Variants in NRXN3 observed in about 807,000 individuals in gnomAD.
NRXN3 encodes the protein neurexin III.
A neutral mutation model predicts 137.6 loss-of-function variants in NRXN3; 32 were observed. The ratio of observed to expected loss-of-function variants is 0.23; its 90% CI spans 0.18 to 0.31. The LOEUF is 0.31. Ranked by LOEUF, NRXN3 falls within the 10% of genes least tolerant of loss-of-function variation. The pLI, the probability that NRXN3 is intolerant of heterozygous loss-of-function variation, is 1.00. For missense variants in NRXN3, 1,574 were observed against 2,062.5 expected, an observed-to-expected ratio of 0.76 and a Z score of 4.59; for synonymous variants, 798 against 784.5, an observed-to-expected ratio of 1.02 and a Z score of -0.29.
At chr14:78,622,615 A>G (rs2097417338) in intron 4 of NRXN3, among the ~76,000 whole-genome samples, 1 of 151,864 alleles carries the variant, frequency 6.6e-6, no homozygotes, top group African/African-American at 2.4e-5. Context: ...ATAGCTTACA[A>G]TGAATACTGC....
intron 1 of NRXN3, among the ~76,000 whole-genome samples, chr14:78,201,240 C>A (rs2061647029): frequency 6.6e-6 from 1 of 152,252 alleles, no homozygotes; most frequent in Admixed American, 6.5e-5. Context: ...GGAATGACTT[C>A]TTCCTCGAGA....
At position 78,627,304 on chromosome 14, in the gene NRXN3, C is replaced by A. The variant is rs148490652; in HGVS notation, c.758-17816C>A. Among the ~76,000 whole-genome samples the A allele has an allele frequency of 9.3e-4, 142 of 152,232 alleles. 1 individual carries two copies. Among genetic ancestry groups the A allele is most frequent in the African/African-American group, 3.3e-3 (136 of 41,536 alleles). On this transcript the variant is annotated intron_variant, in intron 4 of 20. Transcript: ENST00000335750. ...AGGGGCTGTACACAGCTGATAAGGC[C>A]TTCAGGAGACTGGATTGGAGTCATT... is the stretch of plus-strand genomic sequence containing the variant.
chr14:79,717,803 C>T (rs552306578), intron 19 of NRXN3, among the ~76,000 whole-genome samples: 11 of 152,128 alleles, frequency 7.2e-5, no homozygotes, highest in Middle Eastern at 3.4e-3. Flanking sequence ...TCTCTTAGAC[C>T]GTTAAACCTT....
intron 15 of NRXN3, among the ~76,000 whole-genome samples, chr14:79,155,503 C>T (rs1310519404): frequency 6.6e-6 from 1 of 151,734 alleles, no homozygotes; most frequent in Non-Finnish European, 1.5e-5. Flanking sequence ...ACTTAATAGT[C>T]TTCTTTAAGT....
At chr14:78,868,886 C>T (rs1347752735) in intron 10 of NRXN3, among the ~76,000 whole-genome samples, 2 of 151,916 alleles carry the variant, frequency 1.3e-5, no homozygotes, top group African/African-American at 4.8e-5. Context: ...AATGGCATCC[C>T]ATTCACTTAG....
At chr14:79,550,879 T>C (rs1285732968) in intron 16 of NRXN3, among the ~76,000 whole-genome samples, 3 of 152,186 alleles carry the variant, frequency 2.0e-5, no homozygotes, top group Admixed American at 6.5e-5. Flanking sequence ...TTAATATTTA[T>C]AAAGCATTTA....
intron 10 of NRXN3, among the ~76,000 whole-genome samples, chr14:78,948,628 C>CTTTTTTTTTTTTTTT (rs201010514): frequency 2.8e-5 from 3 of 108,604 alleles, no homozygotes; most frequent in Non-Finnish European, 5.7e-5. Flanking sequence ...ACACATTTAA[C>CTTTTTTTTTTTTTTT]TTTTTTTTTT....
intron 4 of NRXN3, among the ~76,000 whole-genome samples, chr14:78,478,361 T>C (rs1420974254): frequency 1.3e-5 from 2 of 152,138 alleles, no homozygotes; most frequent in Non-Finnish European, 2.9e-5. Context: ...GAATGCTTCA[T>C]GGAGGAGAAG....
At chr14:78,955,784 A>G (rs2099395804) in intron 10 of NRXN3, among the ~76,000 whole-genome samples, 1 of 152,244 alleles carries the variant, frequency 6.6e-6, no homozygotes, top group Non-Finnish European at 1.5e-5. Context: ...GAAAATAGGA[A>G]TACTAATTAC....
At chr14:78,543,463 A>G (rs2096610718) in intron 4 of NRXN3, among the ~76,000 whole-genome samples, 1 of 152,098 alleles carries the variant, frequency 6.6e-6, no homozygotes, top group Admixed American at 6.6e-5. Flanking sequence ...TATCAATTGC[A>G]ATAATGGTGC....
chr14:79,416,936 G>C (rs1002452266), intron 15 of NRXN3, among the ~76,000 whole-genome samples: 13 of 152,082 alleles, frequency 8.5e-5, no homozygotes, highest in Non-Finnish European at 1.8e-4. Flanking sequence ...AAAAAGTATG[G>C]ATAACAACTT....
chr14:79,450,625 G>A (rs1236488590), intron 15 of NRXN3, among the ~76,000 whole-genome samples: 3 of 152,136 alleles, frequency 2.0e-5, no homozygotes, highest in Non-Finnish European at 2.9e-5. Flanking sequence ...TTGGTAGGCC[G>A]AGGTGGGAGG....
intron 10 of NRXN3, among the ~76,000 whole-genome samples, chr14:78,867,387 G>A (rs955399787): frequency 6.6e-6 from 1 of 152,144 alleles, no homozygotes; most frequent in Non-Finnish European, 1.5e-5. Context: ...TTAAAAAGAT[G>A]TCTATTCTGT....
chr14:79,099,534 T>C (rs1230030865), intron 15 of NRXN3, among the ~76,000 whole-genome samples: 1 of 152,194 alleles, frequency 6.6e-6, no homozygotes, highest in Non-Finnish European at 1.5e-5. Flanking sequence ...TAAAATGTTA[T>C]GGGGAAGCTA....
chr14:79,063,941 A>G (rs1017119065), intron 15 of NRXN3, among the ~76,000 whole-genome samples: 4 of 152,210 alleles, frequency 2.6e-5, no homozygotes, highest in Non-Finnish European at 4.4e-5. Context: ...CCAATATATT[A>G]TGTTTTCTTG....
At chr14:79,493,222 C>T (rs1398779547) in intron 16 of NRXN3, among the ~76,000 whole-genome samples, 1 of 152,174 alleles carries the variant, frequency 6.6e-6, no homozygotes, top group Non-Finnish European at 1.5e-5. Flanking sequence ...CTTGGTGAAT[C>T]CTAAGAAAGT....
At chr14:79,622,327 G>T (rs185431694) in intron 16 of NRXN3, among the ~76,000 whole-genome samples, 4 of 152,262 alleles carry the variant, frequency 2.6e-5, no homozygotes, top group Admixed American at 1.3e-4. Flanking sequence ...AAAACCTGAA[G>T]AATCTTTTAG....
intron 4 of NRXN3, among the ~76,000 whole-genome samples, chr14:78,356,386 C>T (rs886514494): frequency 1.3e-5 from 2 of 152,250 alleles, no homozygotes; most frequent in African/African-American, 2.4e-5. Flanking sequence ...TCACCTCAAA[C>T]ATCCACAAGG....
chr14:78,815,399 T>C (rs1030611109), intron 10 of NRXN3, among the ~76,000 whole-genome samples: 8 of 151,798 alleles, frequency 5.3e-5, no homozygotes, highest in Admixed American at 2.0e-4. Flanking sequence ...AAGGATATGA[T>C]ATCTGCAAAT....
Sources: allele counts gnomAD v4.1 joint callset (sites outside exome capture counted in the v4.1 genomes callset), GRCh38; gene constraint gnomAD v4.1.1; transcripts MANE v1.5; gene names NCBI Gene and HGNC (gene_info 2026-07-23, HGNC 2026-07-21).